STK32C: variants seen among roughly 807,000 people sequenced by gnomAD.
STK32C encodes the protein serine/threonine-protein kinase 32C.
In STK32C, 31 loss-of-function variants were observed where a neutral mutation model predicts 56.5. The observed-to-expected ratio is 0.55, with a 90% confidence interval of 0.41 to 0.74. STK32C has a LOEUF of 0.74. Among genes scored for constraint, STK32C ranks in the 30% least tolerant of loss-of-function variants. The pLI is 0.00. For missense variants in STK32C, 544 were observed against 676.9 expected, an observed-to-expected ratio of 0.80 and a Z score of 2.18; for synonymous variants, 309 against 289.4, an observed-to-expected ratio of 1.07 and a Z score of -0.69.
chr10:132,248,626 A>C (rs1256143814), intron 1 of STK32C, among the ~76,000 whole-genome samples: 3 of 152,240 alleles, frequency 2.0e-5, no homozygotes, highest in African/African-American at 7.2e-5. Context: ...AACAGAGCTG[A>C]GGACGAGGGT....
At chr10:132,267,022 C>T (rs1417299361) in intron 1 of STK32C, among the ~76,000 whole-genome samples, 4 of 152,162 alleles carry the variant, frequency 2.6e-5, no homozygotes, top group African/African-American at 9.7e-5. Flanking sequence ...GAGCGGGCAG[C>T]CCCCGCCCAC....
intron 8 of STK32C, 98 bp from the exon 9 acceptor site, chr10:132,223,084 C>T: frequency 1.4e-6 from 2 of 1,451,456 alleles, no homozygotes; most frequent in Non-Finnish European, 1.8e-6. Flanking sequence ...GAGGGTCCCA[C>T]CAAGCCTGAG....
intron 2 of STK32C, among the ~76,000 whole-genome samples, chr10:132,238,322 G>T (rs762484232): frequency 1.9e-4 from 29 of 152,328 alleles, no homozygotes; most frequent in Non-Finnish European, 3.1e-4. Context: ...GTGAGATCAG[G>T]AGATGCCTGC....
chr10:132,308,813 C>T (rs906159076), upstream of STK32C, among the ~76,000 whole-genome samples: 4 of 152,160 alleles, frequency 2.6e-5, no homozygotes, highest in African/African-American at 9.6e-5. Context: ...GGCACCTCTG[C>T]CCCTGCGCAG....
At chr10:132,273,407 G>A (rs754077586) in intron 1 of STK32C, among the ~76,000 whole-genome samples, 6 of 152,246 alleles carry the variant, frequency 3.9e-5, no homozygotes, top group Non-Finnish European at 8.8e-5. Context: ...TCTCAACAAA[G>A]CCCTGTTGAG....
intron 10 of STK32C, among the ~76,000 whole-genome samples, chr10:132,219,717 C>T (rs1461547324): frequency 2.6e-5 from 4 of 152,086 alleles, no homozygotes; most frequent in African/African-American, 9.7e-5. Context: ...GGAGGAGGGG[C>T]GAGGATGGGA....
upstream of STK32C, among the ~76,000 whole-genome samples, chr10:132,311,178 T>G (rs147127901): frequency 5.9e-5 from 9 of 152,334 alleles, no homozygotes; most frequent in East Asian, 1.7e-3. This position sits in a 1 kb window ranked among gnomAD's most constrained non-coding sequence, Gnocchi z 4.4. Context: ...AGATGTGTGC[T>G]TCATCTTCTG....
intron 1 of STK32C, among the ~76,000 whole-genome samples, chr10:132,258,752 C>T (rs1590296723): frequency 6.6e-6 from 1 of 152,332 alleles, no homozygotes; most frequent in South Asian, 2.1e-4. Context: ...TCCCACTGCC[C>T]CTCCTGAGCG....
intron 1 of STK32C, chr10:132,324,468 GT>G: frequency 1.5e-6 from 1 of 660,460 alleles, no homozygotes. Flanking sequence ...ATGATGATTG[GT>G]TTAGCAGGCA....
At chr10:132,306,520 G>A (rs60272860) in intron 1 of STK32C, among the ~76,000 whole-genome samples, 2,130 of 152,284 alleles carry the variant, frequency 0.014, 54 homozygotes, top group African/African-American at 0.048. Context: ...AGGAACGGCG[G>A]TGCACGGCCC....
intron 1 of STK32C, among the ~76,000 whole-genome samples, chr10:132,276,002 C>A (rs536485040): frequency 6.6e-6 from 1 of 152,184 alleles, no homozygotes; most frequent in South Asian, 2.1e-4. Flanking sequence ...AGTGAAGGCC[C>A]GCGAGGATGG....
chr10:132,268,042 C>A lies in STK32C; in HGVS notation c.263-22087G>T, dbSNP rs552352918. 7.7e-5 allele frequency among the ~76,000 whole-genome samples: 10 copies of A among 129,408 alleles called. No homozygotes were observed. In the South Asian group the frequency reaches 2.1e-3, roughly 27 times the overall value. The allele number at this position is 129,408 out of a possible 152,430, so 84.9% of individuals were successfully genotyped here. On this transcript the variant is annotated intron_variant, in intron 1 of 11. Coordinates refer to ENST00000298630, the MANE Select transcript of STK32C (RefSeq NM_173575.4). Reference sequence around the variant, plus strand: ...ATGTGTATGCATGTTCGGCTCTATGCCTGTCTGTGTGCCCACATGTCCCAC... The same window carrying A: ...ATGTGTATGCATGTTCGGCTCTATGACTGTCTGTGTGCCCACATGTCCCAC...
chr10:132,327,059 A>C (rs1231006638), intron 1 of STK32C, among the ~76,000 whole-genome samples: 1 of 152,224 alleles, frequency 6.6e-6, no homozygotes, highest in Admixed American at 6.5e-5. Flanking sequence ...TGCAAGTTCA[A>C]GCTTAGAGGC....
At chr10:132,287,513 G>A (rs1360316240) in intron 1 of STK32C, among the ~76,000 whole-genome samples, 9 of 150,172 alleles carry the variant, frequency 6.0e-5, no homozygotes, top group African/African-American at 1.9e-4. Flanking sequence ...GTGCAGTGGC[G>A]TGATCTCGGC....
chr10:132,225,631 G>A lies in STK32C; in HGVS notation c.683-15C>T, dbSNP rs780276302. On this transcript the variant is annotated splice_polypyrimidine_tract_variant and intron_variant, in intron 5 of 11. Transcript: ENST00000298630. ...GTGTGCATGTCCTGTGCAGAGAGGG[G>A]TCAGGTGTGGCTGTCCCAGGACCAG... is the stretch of plus-strand genomic sequence containing the variant. 9.9e-6 allele frequency: 16 copies of A among 1,609,110 alleles called. No individual in the cohort carries two copies. The East Asian group carries it at 1.3e-4, about 13-fold the overall frequency.
At chr10:132,228,658 G>A (rs978544574) in intron 2 of STK32C, among the ~76,000 whole-genome samples, 1 of 152,228 alleles carries the variant, frequency 6.6e-6, no homozygotes, top group African/African-American at 2.4e-5. Flanking sequence ...TCCTTTTCCA[G>A]GGCTTGGAGC....
intron 1 of STK32C, chr10:132,306,883 C>T (rs913133620): frequency 6.6e-6 from 1 of 152,222 alleles, no homozygotes; most frequent in Non-Finnish European, 1.5e-5. Context: ...CCTGGCACCC[C>T]GGGAGGTGTC....
intron 1 of STK32C, among the ~76,000 whole-genome samples, chr10:132,266,002 A>G (rs1418788160): frequency 6.6e-6 from 1 of 152,228 alleles, no homozygotes; most frequent in Non-Finnish European, 1.5e-5. Flanking sequence ...CTATTTACAC[A>G]AAAGGAATGA....
rs1462907224 is a variant in STK32C, at chr10:132,225,067, G to A, written c.876+166C>T. Among the ~76,000 whole-genome samples, 3 of 152,174 alleles carry A rather than the reference G, an allele frequency of 2.0e-5. No individual in the cohort carries two copies. The South Asian group carries it at 6.2e-4, about 32-fold the overall frequency. On this transcript the variant is annotated intron_variant, in intron 7 of 11. Coordinates refer to ENST00000298630, the MANE Select transcript of STK32C (RefSeq NM_173575.4). ...GTCTGTCCTTCCTCCTCCTGCTCAGGCATTCCATCACCAACTACACACTTC... is the reference window on the plus strand; with the variant it reads ...GTCTGTCCTTCCTCCTCCTGCTCAGACATTCCATCACCAACTACACACTTC...
Sources: gnomAD v4.1 joint callset for allele counts (sites outside exome capture counted in the v4.1 genomes callset) on GRCh38, gnomAD v4.1.1 for gene constraint, Gnocchi (gnomAD v3.1) non-coding constraint, MANE v1.5 for transcripts, NCBI Gene and HGNC (gene_info 2026-07-23, HGNC 2026-07-21) for gene names.